Variants in PSPH observed in about 807,000 individuals in gnomAD.
The protein encoded by PSPH is L-3-phosphoserine phosphatase.
A neutral mutation model predicts 23.4 loss-of-function variants in PSPH; 16 were observed. That is an observed-to-expected ratio of 0.68 (90% CI 0.46 to 1.04). The LOEUF (loss-of-function observed/expected upper bound fraction) is 1.04. PSPH is among the 50% of genes least tolerant of loss of function. PSPH has a pLI of 0.00. For synonymous variants in PSPH, 68 were observed against 99.7 expected (o/e 0.68, Z 1.89); for missense variants, 223 against 273.7 (o/e 0.81, Z 1.31).
intron 6 of PSPH, among the ~76,000 whole-genome samples, chr7:56,016,956 A>C (rs1197133097): frequency 1.3e-5 from 2 of 152,170 alleles, no homozygotes; most frequent in African/African-American, 4.8e-5. Context: ...ATAGCAAAGT[A>C]AGTCATAGGG....
chr7:56,038,586 G>A (rs1792050682), intron 1 of PSPH, among the ~76,000 whole-genome samples: 1 of 152,104 alleles, frequency 6.6e-6, no homozygotes, highest in African/African-American at 2.4e-5. Context: ...TCTAATCCTA[G>A]CACTTTGGGA....
At chr7:56,035,885 G>A (rs1791662826) in intron 1 of PSPH, among the ~76,000 whole-genome samples, 1 of 151,658 alleles carries the variant, frequency 6.6e-6, no homozygotes, top group African/African-American at 2.4e-5. Context: ...CTCCCAAAGT[G>A]CTGGGATTAC....
intron 3 of PSPH, among the ~76,000 whole-genome samples, chr7:56,022,437 G>T (rs899519114): frequency 6.6e-6 from 1 of 152,146 alleles, no homozygotes; most frequent in Non-Finnish European, 1.5e-5. Flanking sequence ...GCAGGGCATC[G>T]ATTTGGCATG....
chr7:56,036,498 G>A (rs1357805987), intron 1 of PSPH, among the ~76,000 whole-genome samples: 1 of 151,948 alleles, frequency 6.6e-6, no homozygotes, highest in African/African-American at 2.4e-5. Context: ...GTGTGGTGGT[G>A]CATGCCTATA....
At chr7:56,021,361 C>T (rs1445349647) in intron 3 of PSPH, 130 bp from the exon 4 acceptor site, 2 of 835,422 alleles carry the variant, frequency 2.4e-6, no homozygotes, top group African/African-American at 3.4e-5. Context: ...CTCACAGATT[C>T]ATTTTTTTTT....
At chr7:56,034,915 A>G (rs1271107729) in intron 1 of PSPH, among the ~76,000 whole-genome samples, 1 of 140,120 alleles carries the variant, frequency 7.1e-6, no homozygotes, top group African/African-American at 2.9e-5. Context: ...GTTTTTAAAT[A>G]GAGATGGGGG....
intron 1 of PSPH, among the ~76,000 whole-genome samples, chr7:56,047,974 T>C (rs1368435962): frequency 6.6e-6 from 1 of 151,316 alleles, no homozygotes; most frequent in Non-Finnish European, 1.5e-5. Flanking sequence ...CCATAATCTG[T>C]ATTTAAACAT....
At chr7:56,028,385 C>G (rs1472370713) in intron 3 of PSPH, among the ~76,000 whole-genome samples, 1 of 152,018 alleles carries the variant, frequency 6.6e-6, no homozygotes, top group East Asian at 1.9e-4. Flanking sequence ...CCACCACACC[C>G]AGCTAAGTTA....
chr7:56,031,528 G>C (rs373702072), intron 3 of PSPH, among the ~76,000 whole-genome samples: 8 of 152,052 alleles, frequency 5.3e-5, no homozygotes, highest in South Asian at 2.1e-4. Context: ...GGAGTAAACT[G>C]CTGGCCGGGT....
intron 3 of PSPH, among the ~76,000 whole-genome samples, chr7:56,026,101 C>A (rs1460929054): frequency 6.6e-6 from 1 of 152,124 alleles, no homozygotes; most frequent in Non-Finnish European, 1.5e-5. Context: ...CTGCACCCAG[C>A]ACCCAATAGG....
At position 56,034,057 on chromosome 7, in the gene PSPH, G is replaced by C. The variant is rs1005166966; in HGVS notation, c.-242C>G. On this transcript the variant is annotated 5_prime_UTR_variant, in exon 2 of 8. Transcript: ENST00000275605. ...CGCTCGGGCGAGCAGTTCCCAGGGAGGTGAGCTGTGCAGACCCAGGGCCTC... is the reference window on the plus strand; with the variant it reads ...CGCTCGGGCGAGCAGTTCCCAGGGACGTGAGCTGTGCAGACCCAGGGCCTC... 2.1e-4 allele frequency: 32 copies of C among 152,482 alleles called. No individual in the cohort carries two copies. Among genetic ancestry groups the C allele is most frequent in the African/African-American group, 7.7e-4 (32 of 41,468 alleles). 9.4% of individuals were successfully genotyped at this position (152,482 alleles called of 1,614,324 possible). A position where few individuals can be genotyped will look rare whatever the true frequency, so the allele number is the denominator to read the frequency against.
chr7:56,017,805 C>A (rs1464504616), intron 5 of PSPH, among the ~76,000 whole-genome samples: 4 of 151,052 alleles, frequency 2.6e-5, no homozygotes, highest in African/African-American at 9.7e-5. Context: ...TCACTGCAAC[C>A]TCCTCCTACA....
At chr7:56,011,899 T>C (rs1292589492) in intron 7 of PSPH, 30 bp from the exon 8 acceptor site, 1 of 1,511,734 alleles carries the variant, frequency 6.6e-7, no homozygotes, top group South Asian at 1.1e-5. Flanking sequence ...AGAGAAATGA[T>C]TTTTATTTTT....
At chr7:56,022,311 G>T (rs1789580083) in intron 3 of PSPH, among the ~76,000 whole-genome samples, 1 of 152,106 alleles carries the variant, frequency 6.6e-6, no homozygotes, top group Non-Finnish European at 1.5e-5. Flanking sequence ...TCCAGCCTGG[G>T]CAACAGAGCA....
chr7:56,034,442 G>T (rs1375347276), intron 1 of PSPH, among the ~76,000 whole-genome samples: 2 of 152,200 alleles, frequency 1.3e-5, no homozygotes, highest in Non-Finnish European at 2.9e-5. Context: ...TCCGTCGGGG[G>T]GCCTCTTTTG....
intron 6 of PSPH, 97 bp downstream of exon 6, chr7:56,017,137 C>G (rs971619916): frequency 1.3e-6 from 2 of 1,571,094 alleles, no homozygotes; most frequent in Non-Finnish European, 8.7e-7. Flanking sequence ...ATATTTAACT[C>G]TGATGTGACT....
At chr7:56,021,497 C>A (rs1410730004) in intron 3 of PSPH, among the ~76,000 whole-genome samples, 1 of 151,452 alleles carries the variant, frequency 6.6e-6, no homozygotes, top group Non-Finnish European at 1.5e-5. Flanking sequence ...TGGCTTACTG[C>A]AACCTCCACC....
At chr7:56,045,690 A>G (rs553032160) in intron 1 of PSPH, among the ~76,000 whole-genome samples, 51 of 152,080 alleles carry the variant, frequency 3.4e-4, no homozygotes, top group African/African-American at 1.2e-3. Flanking sequence ...TATCGAGACC[A>G]TCCTGGCCAA....
chr7:56,014,672 G>A (rs572538407), intron 7 of PSPH, among the ~76,000 whole-genome samples: 3 of 152,256 alleles, frequency 2.0e-5, no homozygotes, highest in South Asian at 2.1e-4. Flanking sequence ...GGCCGGGCAC[G>A]GTGGCTCATG....
Sources: allele counts gnomAD v4.1 joint callset (sites outside exome capture counted in the v4.1 genomes callset), GRCh38; gene constraint gnomAD v4.1.1; transcripts MANE v1.5; gene names NCBI Gene and HGNC (gene_info 2026-07-23, HGNC 2026-07-21).